MEIS1: variants seen among roughly 807,000 people sequenced by gnomAD.
The protein encoded by MEIS1 is Meis homeobox 1, also known as homeobox protein Meis1.
Under a neutral mutation model 50.8 loss-of-function variants are expected in MEIS1, and 5 were observed. The ratio of observed to expected loss-of-function variants is 0.10; its 90% CI spans 0.05 to 0.21. The LOEUF (loss-of-function observed/expected upper bound fraction) is 0.21, where lower values mean the gene tolerates loss of function less well. Ranked by LOEUF, MEIS1 falls within the 10% of genes least tolerant of loss-of-function variation. The pLI, the probability that MEIS1 is intolerant of heterozygous loss-of-function variation, is 1.00. For synonymous variants in MEIS1, 176 were observed against 179.3 expected, an observed-to-expected ratio of 0.98 and a Z score of 0.15; for missense variants, 318 against 517.3, an observed-to-expected ratio of 0.61 and a Z score of 3.74.
chr2:66,567,886 T>C, intron 10 of MEIS1: 2 of 463,598 alleles, frequency 4.3e-6, no homozygotes, highest in Non-Finnish European at 3.9e-6. Context: ...CTTTATTACC[T>C]GTCAAAAGGG....
chr2:66,510,946 G>T lies in MEIS1; in HGVS notation c.743-1203G>T, dbSNP rs1265989553. 4.6e-5 allele frequency among the ~76,000 whole-genome samples: 7 copies of T among 152,280 alleles called. 1 individual carries two copies. In the East Asian group the frequency reaches 1.2e-3, roughly 25 times the overall value. ...GAAACTTGTCTTACCAAAGTTTCAG[G>T]TTCTTTGGGTCGTGTAGTTGGCTCT... On this transcript the variant is annotated intron_variant, in intron 7 of 12. Coordinates refer to ENST00000272369, the MANE Select transcript of MEIS1 (RefSeq NM_002398.3).
chr2:66,465,169 A>G (rs993569766), intron 7 of MEIS1, among the ~76,000 whole-genome samples: 1 of 152,222 alleles, frequency 6.6e-6, no homozygotes, highest in African/African-American at 2.4e-5. Context: ...TGCAAAGTCT[A>G]CAATGAATTT....
chr2:66,484,851 C>A (rs913611777), intron 7 of MEIS1, among the ~76,000 whole-genome samples: 2 of 152,084 alleles, frequency 1.3e-5, no homozygotes, highest in African/African-American at 4.8e-5. Context: ...TGAGCCACTG[C>A]GCCTGGCCAA....
intron 1 of MEIS1, among the ~76,000 whole-genome samples, chr2:66,436,742 T>G (rs566981280): frequency 3.2e-4 from 48 of 152,226 alleles, no homozygotes; most frequent in Non-Finnish European, 5.7e-4. Flanking sequence ...AATTCCTCCT[T>G]TCTTTGAAAA....
At chr2:66,544,374 C>A (rs889234311) in intron 8 of MEIS1, among the ~76,000 whole-genome samples, 1 of 152,022 alleles carries the variant, frequency 6.6e-6, no homozygotes, top group African/African-American at 2.4e-5. Context: ...GTTTAAAAGC[C>A]TACTTCTTTG....
intron 8 of MEIS1, among the ~76,000 whole-genome samples, chr2:66,535,494 T>C (rs1228937071): frequency 1.3e-5 from 2 of 152,222 alleles, no homozygotes; most frequent in African/African-American, 4.8e-5. Context: ...TCTAAGATAT[T>C]CCATGAACAT....
chr2:66,440,030 C>T (rs754451538), intron 3 of MEIS1, 46 bp downstream of exon 3: 10 of 1,544,342 alleles, frequency 6.5e-6, no homozygotes, highest in Admixed American at 4.0e-5. Flanking sequence ...AAAAGAGAGC[C>T]CCCCCTTCGC....
chr2:66,519,787 T>G (rs1197164325), intron 8 of MEIS1, among the ~76,000 whole-genome samples: 2 of 152,114 alleles, frequency 1.3e-5, no homozygotes, highest in Non-Finnish European at 2.9e-5. Flanking sequence ...AGAAATGACT[T>G]GGTTTTATGT....
In MEIS1 at chr2:66,554,971, G is replaced by A. The variant is rs186864239; in HGVS notation, c.965+6952G>A. Among the ~76,000 whole-genome samples, 29 of 152,318 alleles carry A rather than the reference G, an allele frequency of 1.9e-4. 1 individual carries two copies. The highest frequency in any genetic ancestry group is 7.0e-4 in the African/African-American group (29 of 41,572). On this transcript the variant is annotated intron_variant, in intron 9 of 12. Transcript: ENST00000272369. ...AAAGATAAATCAGTTGTTTTTAGCA[G>A]TGTGCTATGAGTCTATGAAGGGCAT...
chr2:66,473,294 C>A (rs886103280), intron 7 of MEIS1, among the ~76,000 whole-genome samples: 14 of 146,504 alleles, frequency 9.6e-5, no homozygotes, highest in African/African-American at 3.6e-4. Context: ...AGGAGAATCG[C>A]TTGAATCTGG....
intron 12 of MEIS1, 22 bp from the exon 13 acceptor site, chr2:66,571,224 C>A: frequency 1.3e-6 from 2 of 1,549,502 alleles, no homozygotes; most frequent in Non-Finnish European, 1.7e-6. Flanking sequence ...CTTTTTGTTT[C>A]TTTCTTTTGA....
intron 9 of MEIS1, among the ~76,000 whole-genome samples, chr2:66,557,310 C>A (rs1482642324): frequency 6.6e-6 from 1 of 152,152 alleles, no homozygotes; most frequent in African/African-American, 2.4e-5. Context: ...TCATTTCACC[C>A]ATTTAATTCA....
chr2:66,461,297 T>G (rs1672513075), intron 6 of MEIS1, among the ~76,000 whole-genome samples: 1 of 152,136 alleles, frequency 6.6e-6, no homozygotes, highest in Non-Finnish European at 1.5e-5. Context: ...GTCCATGGAT[T>G]TGGGGGGAGT....
At chr2:66,498,580 G>C (rs553140229) in intron 7 of MEIS1, among the ~76,000 whole-genome samples, 127 of 152,288 alleles carry the variant, frequency 8.3e-4, no homozygotes, top group African/African-American at 2.8e-3. Flanking sequence ...AGGTCAGTTA[G>C]TCTTAGAGAT....
intron 8 of MEIS1, among the ~76,000 whole-genome samples, chr2:66,530,367 G>T (rs994490454): frequency 6.6e-6 from 1 of 152,102 alleles, no homozygotes; most frequent in East Asian, 1.9e-4. Context: ...GGTAATAGAT[G>T]AATTCTTAGT....
At chr2:66,458,446 G>C (rs1254582679) in intron 6 of MEIS1, among the ~76,000 whole-genome samples, 1 of 152,150 alleles carries the variant, frequency 6.6e-6, no homozygotes, top group Non-Finnish European at 1.5e-5. Flanking sequence ...ATTCTTTCCA[G>C]AAGGTCTATA....
chr2:66,436,331 T>G (rs77727087), intron 1 of MEIS1, among the ~76,000 whole-genome samples: 2 of 152,222 alleles, frequency 1.3e-5, no homozygotes, highest in African/African-American at 4.8e-5. Context: ...AATTTTTTGG[T>G]CAGAAAACAT....
At chr2:66,520,320 A>T (rs1037016069) in intron 8 of MEIS1, among the ~76,000 whole-genome samples, 8 of 149,320 alleles carry the variant, frequency 5.4e-5, no homozygotes, top group South Asian at 4.3e-4. Context: ...TAAAAATAAA[A>T]AAAAAAAAAA....
Position 66,495,080 on chromosome 2 carries a change from C to CTTTTTTTTTTT in MEIS1, c.743-17051_743-17041dup, listed in dbSNP as rs70943701. On this transcript the variant is annotated intron_variant, in intron 7 of 12. Coordinates refer to ENST00000272369, the MANE Select transcript of MEIS1 (RefSeq NM_002398.3). Reference sequence around the variant, plus strand: ...GAATGCCCACTTTCCCTCTTCTGACCTTTTTTTTTTTTTTTTTTTTTTTTT... The same window carrying CTTTTTTTTTTT: ...GAATGCCCACTTTCCCTCTTCTGACCTTTTTTTTTTTTTTTTTTTTTTTTTTTTTTTTTTTT... Among the ~76,000 whole-genome samples the CTTTTTTTTTTT allele has an allele frequency of 5.5e-5, 5 of 91,492 alleles. 2 individuals carry two copies. Among genetic ancestry groups the CTTTTTTTTTTT allele is most frequent in the Admixed American group, 2.7e-4 (2 of 7,284 alleles). 60.0% of individuals were successfully genotyped at this position (91,492 alleles called of 152,430 possible).
Sources: allele counts gnomAD v4.1 joint callset (sites outside exome capture counted in the v4.1 genomes callset), GRCh38; gene constraint gnomAD v4.1.1; transcripts MANE v1.5; gene names NCBI Gene and HGNC (gene_info 2026-07-23, HGNC 2026-07-21).